Variants in FARS2 observed in about 807,000 individuals in gnomAD.
FARS2 encodes the protein phenylalanyl-tRNA synthetase 2, mitochondrial.
FARS2 carries 40 observed loss-of-function variants against 46.4 expected under a neutral mutation model. The observed-to-expected ratio is 0.86, with a 90% confidence interval of 0.67 to 1.12. The LOEUF is 1.12. Among genes scored for constraint, FARS2 ranks in the 50% most tolerant of loss-of-function variants. The probability of loss-of-function intolerance (pLI) is 0.00; values close to 1 mark genes in which losing one functional copy is unlikely to be tolerated. For missense variants in FARS2, 513 were observed against 567.9 expected (o/e 0.90, Z 0.98); for synonymous variants, 234 against 214.9 (o/e 1.09, Z -0.78).
intron 4 of FARS2, among the ~76,000 whole-genome samples, chr6:5,543,965 A>T (rs1012006013): frequency 1.5e-4 from 23 of 151,182 alleles, no homozygotes; most frequent in African/African-American, 5.1e-4. Context: ...ATATCCTTGC[A>T]TGAGGAGCCT....
chr6:5,293,030 A>G (rs906484880), intron 1 of FARS2, among the ~76,000 whole-genome samples: 1 of 152,220 alleles, frequency 6.6e-6, no homozygotes, highest in African/African-American at 2.4e-5. Context: ...CAAGTAAGAA[A>G]AGCACTGACA....
chr6:5,562,890 A>G (rs571070679), intron 5 of FARS2, among the ~76,000 whole-genome samples: 64 of 148,354 alleles, frequency 4.3e-4, no homozygotes, highest in Admixed American at 8.2e-4. Flanking sequence ...TGCAACCTCT[A>G]TCTCCCAGAT....
At chr6:5,684,941 T>C (rs1163110733) in intron 6 of FARS2, among the ~76,000 whole-genome samples, 1 of 152,134 alleles carries the variant, frequency 6.6e-6, no homozygotes, top group African/African-American at 2.4e-5. Context: ...CCCTTAGCAA[T>C]CAAGGAAAAA....
chr6:5,565,391 TA>T (rs1772268178), intron 5 of FARS2, among the ~76,000 whole-genome samples: 1 of 152,236 alleles, frequency 6.6e-6, no homozygotes, highest in Admixed American at 6.5e-5. Context: ...TTACAATCTT[TA>T]AAGCTATTAA....
At chr6:5,586,355 A>G (rs865792536) in intron 5 of FARS2, among the ~76,000 whole-genome samples, 9 of 152,070 alleles carry the variant, frequency 5.9e-5, no homozygotes, top group Non-Finnish European at 1.2e-4. Context: ...TGGGCTTGTC[A>G]TATATGGTTT....
Position 5,279,380 on chromosome 6 carries a change from AAAAAAAAG to A in FARS2, c.-22+17726_-22+17733del, listed in dbSNP as rs201275699. Among the ~76,000 whole-genome samples the A allele has an allele frequency of 9.8e-3, 1,179 of 120,196 alleles. 4 individuals carry two copies. Among genetic ancestry groups the A allele is most frequent in the Middle Eastern group, 0.045 (12 of 266 alleles). The allele number at this position is 120,196 out of a possible 152,430, so 78.9% of individuals were successfully genotyped here. A position where few individuals can be genotyped will look rare whatever the true frequency, so the allele number is the denominator to read the frequency against. ...ACAGAGCAAGACTCCCTCTCAAAAA[AAAAAAAAG>A]AAAAAGAAAAAGAAAAAAAGAAAGC... On this transcript the variant is annotated intron_variant, in intron 1 of 6. Transcript: ENST00000274680.
At chr6:5,273,790 G>A (rs1766136682) in intron 1 of FARS2, among the ~76,000 whole-genome samples, 1 of 152,064 alleles carries the variant, frequency 6.6e-6, no homozygotes, top group Non-Finnish European at 1.5e-5. Flanking sequence ...TCTTGTAGTA[G>A]TTTCATAGTT....
chr6:5,472,711 C>T (rs1022992629), intron 4 of FARS2, among the ~76,000 whole-genome samples: 1 of 152,114 alleles, frequency 6.6e-6, no homozygotes, highest in Admixed American at 6.5e-5. Flanking sequence ...GCAATTATCT[C>T]GTAAGAGCTT....
chr6:5,562,900 T>C (rs1204159281), intron 5 of FARS2, among the ~76,000 whole-genome samples: 2 of 151,810 alleles, frequency 1.3e-5, no homozygotes. Context: ...ATCTCCCAGA[T>C]TGAAGCGATT....
At chr6:5,333,927 G>A (rs1044107715) in intron 1 of FARS2, among the ~76,000 whole-genome samples, 16 of 152,126 alleles carry the variant, frequency 1.1e-4, no homozygotes, top group Non-Finnish European at 2.2e-4. Context: ...CCTCTTCCAG[G>A]AATGCCTCCT....
intron 6 of FARS2, among the ~76,000 whole-genome samples, chr6:5,652,155 G>A (rs1561778495): frequency 2.0e-5 from 3 of 152,130 alleles, no homozygotes; most frequent in Admixed American, 6.5e-5. Flanking sequence ...GCTTCTCTTC[G>A]GTGATACAGA....
At chr6:5,675,174 TA>T (rs111788320) in intron 6 of FARS2, among the ~76,000 whole-genome samples, 5 of 150,750 alleles carry the variant, frequency 3.3e-5, no homozygotes, top group African/African-American at 1.2e-4. Flanking sequence ...CTTGAGTCAA[TA>T]AAAATGCGTT....
At chr6:5,557,968 G>C (rs1561711854) in intron 5 of FARS2, among the ~76,000 whole-genome samples, 1 of 152,192 alleles carries the variant, frequency 6.6e-6, no homozygotes, top group East Asian at 1.9e-4. Context: ...AAGGAAAAGG[G>C]CTGAAATACT....
chr6:5,692,925 A>G (rs1757849614), intron 6 of FARS2, among the ~76,000 whole-genome samples: 1 of 152,160 alleles, frequency 6.6e-6, no homozygotes, highest in Admixed American at 6.5e-5. Flanking sequence ...CTGGCTCTTT[A>G]TCCCACCTCC....
chr6:5,610,698 TAAGAA>T lies in FARS2; in HGVS notation c.1066-2464_1066-2460del, dbSNP rs553265990. Among the ~76,000 whole-genome samples the T allele has an allele frequency of 9.2e-5, 14 of 152,306 alleles. No individual in the cohort carries two copies. In the South Asian group the frequency reaches 2.5e-3, roughly 27 times the overall value. ...ACTAGTAAAATAGTCATCCTTCTGT[TAAGAA>T]AAGAAATAAGAAAACATGAATAATA... On this transcript the variant is annotated intron_variant, in intron 5 of 6. Coordinates refer to ENST00000274680, the MANE Select transcript of FARS2 (RefSeq NM_006567.5).
chr6:5,598,164 A>G (rs1774309111), intron 5 of FARS2, among the ~76,000 whole-genome samples: 2 of 152,052 alleles, frequency 1.3e-5, no homozygotes, highest in Non-Finnish European at 2.9e-5. Context: ...AGGTGGGAGG[A>G]TTGCTTGAGG....
chr6:5,414,970 A>G (rs892602462), intron 3 of FARS2, among the ~76,000 whole-genome samples: 19 of 151,632 alleles, frequency 1.3e-4, no homozygotes, highest in Non-Finnish European at 2.5e-4. Flanking sequence ...ACCCGCCACC[A>G]TGCCTGGGTA....
intron 4 of FARS2, among the ~76,000 whole-genome samples, chr6:5,469,363 C>T (rs943260352): frequency 3.3e-5 from 5 of 152,252 alleles, no homozygotes; most frequent in Non-Finnish European, 7.3e-5. Flanking sequence ...CCCCGCCCCA[C>T]ACTTCATATC....
intron 6 of FARS2, among the ~76,000 whole-genome samples, chr6:5,693,817 C>T (rs764770237): frequency 1.8e-4 from 27 of 152,184 alleles, no homozygotes; most frequent in Non-Finnish European, 3.2e-4. Flanking sequence ...CCTCTCCAAG[C>T]GGCCTGGCCT....
Sources: allele counts gnomAD v4.1 joint callset (sites outside exome capture counted in the v4.1 genomes callset), GRCh38; gene constraint gnomAD v4.1.1; transcripts MANE v1.5; gene names NCBI Gene and HGNC (gene_info 2026-07-23, HGNC 2026-07-21).